Variants in RASGRF1 observed in about 807,000 individuals in gnomAD.
RASGRF1 encodes the protein Ras protein specific guanine nucleotide releasing factor 1.
In RASGRF1, 40 loss-of-function variants were observed where a neutral mutation model predicts 138.7. The observed-to-expected ratio is 0.29, with a 90% CI of 0.22 to 0.38. The LOEUF (loss-of-function observed/expected upper bound fraction) is 0.38, where lower values mean the gene tolerates loss of function less well. Ranked by LOEUF, RASGRF1 falls within the 10% of genes least tolerant of loss-of-function variation. RASGRF1 has a pLI of 1.00. For missense variants in RASGRF1, 1,108 were observed against 1,650.4 expected (o/e 0.67, Z 5.69); for synonymous variants, 614 against 663.2 (o/e 0.93, Z 1.14).
chr15:78,994,113 C>A (rs1421174210), intron 20 of RASGRF1, among the ~76,000 whole-genome samples: 3 of 152,228 alleles, frequency 2.0e-5, no homozygotes, highest in African/African-American at 7.2e-5. Flanking sequence ...AGGTGAGCCC[C>A]TGTTGGGAAA....
At chr15:78,966,766 A>C (rs899566349) in intron 26 of RASGRF1, among the ~76,000 whole-genome samples, 8 of 152,072 alleles carry the variant, frequency 5.3e-5, no homozygotes, top group African/African-American at 1.7e-4. Context: ...GAGCCCCCCA[A>C]ATCCAGTGCA....
chr15:79,038,400 C>A (rs78413393), intron 5 of RASGRF1, among the ~76,000 whole-genome samples: 25,973 of 152,086 alleles, frequency 0.17, 2,345 homozygotes, highest in Middle Eastern at 0.26. Context: ...GCCTCCATTT[C>A]TAAGGTTAAA....
rs776743785 is a variant in RASGRF1, at chr15:79,047,013, C to T, written c.625-14G>A. On this transcript the variant is annotated splice_polypyrimidine_tract_variant and intron_variant, in intron 4 of 26. Transcript: ENST00000558480. ...GAAGCTCTGCACCTGAGCAGCAAGA[C>T]CGGTGGGGAGAGGCTCCTGTCAGGG... 2 of 1,604,550 alleles carry T rather than the reference C, an allele frequency of 1.2e-6. No homozygotes were observed. Among genetic ancestry groups the T allele is most frequent in the Admixed American group, 1.7e-5 (1 of 59,938 alleles).
intron 2 of RASGRF1, among the ~76,000 whole-genome samples, chr15:79,058,931 T>C (rs1166782139): frequency 6.6e-6 from 1 of 152,222 alleles, no homozygotes; most frequent in East Asian, 1.9e-4. Flanking sequence ...AAGGAGTCTG[T>C]TTTTGTACCA....
chr15:79,072,302 G>T (rs1386412880), intron 1 of RASGRF1, among the ~76,000 whole-genome samples: 1 of 66,776 alleles, frequency 1.5e-5, no homozygotes, highest in Non-Finnish European at 2.9e-5. Context: ...TTGAGACGCA[G>T]TCTCACTCTG....
At chr15:79,072,977 T>A (rs2057782616) in intron 1 of RASGRF1, among the ~76,000 whole-genome samples, 1 of 152,174 alleles carries the variant, frequency 6.6e-6, no homozygotes, top group Non-Finnish European at 1.5e-5. Flanking sequence ...TGGGACCACA[T>A]AGGCTTGCCT....
intron 5 of RASGRF1, among the ~76,000 whole-genome samples, chr15:79,039,390 G>A (rs2057266344): frequency 6.6e-6 from 1 of 150,484 alleles, no homozygotes; most frequent in African/African-American, 2.4e-5. Context: ...TCTTGGATTA[G>A]TCTTAGGTTG....
In RASGRF1 at chr15:79,073,559, C is replaced by A. The variant is rs914038237; in HGVS notation, c.277-9033G>T. ...GAGGCCAAGCAGAGATAGCAGAGCA[C>A]CGAGGGTGGCACTGGCAGACACGGG... On this transcript the variant is annotated intron_variant, in intron 1 of 26. Transcript: ENST00000558480. The surrounding 1 kb of genome is among the most constrained non-coding windows in gnomAD (Gnocchi z 4.2). 6.6e-6 allele frequency among the ~76,000 whole-genome samples: 1 copy of A among 152,066 alleles called. No individual in the cohort carries two copies. Among genetic ancestry groups the A allele is most frequent in the African/African-American group, 2.4e-5 (1 of 41,394 alleles).
At position 78,962,161 on chromosome 15, in the gene RASGRF1, G is replaced by A. The variant is rs762247191; in HGVS notation, c.3757C>T (p.Pro1253Ser). ...GCTCAGCTTCAGGTGGGGAGTTTTG[G>A]TTCTATTCGGAGAGAAGACTCGTAG... Reference protein sequence around the residue: ...SLYESSLRIEPKLPT With the variant: ...SLYESSLRIESKLPT The change falls in exon 27 of 27, where the codon CCA (proline) becomes TCA (serine). Residue 1253 changes from proline (P) to serine (S), a missense_variant. By Grantham distance (74) the Pro-to-Ser change is moderately conservative (BLOSUM62 -1). Transcript: ENST00000558480. 6 of 1,580,174 alleles carry A rather than the reference G, an allele frequency of 3.8e-6. No homozygotes were observed. Among genetic ancestry groups the A allele is most frequent in the Non-Finnish European group, 5.2e-6 (6 of 1,156,324 alleles).
intron 10 of RASGRF1, among the ~76,000 whole-genome samples, chr15:79,024,485 G>A (rs941178778): frequency 6.6e-6 from 1 of 151,864 alleles, no homozygotes; most frequent in African/African-American, 2.4e-5. Flanking sequence ...TACTGATATG[G>A]TTTGGCTGTG....
chr15:79,072,692 T>C (rs142194729), intron 1 of RASGRF1, among the ~76,000 whole-genome samples: 1 of 152,222 alleles, frequency 6.6e-6, no homozygotes. Context: ...CTGGCTGACC[T>C]GAGTCACCTT....
chr15:78,997,293 T>C (rs2056414846), intron 19 of RASGRF1, among the ~76,000 whole-genome samples: 2 of 152,194 alleles, frequency 1.3e-5, no homozygotes, highest in African/African-American at 4.8e-5. Flanking sequence ...CACTGTTTAA[T>C]AGATCTCTGC....
intron 24 of RASGRF1, among the ~76,000 whole-genome samples, chr15:78,977,242 T>G (rs958581894): frequency 6.6e-6 from 1 of 152,140 alleles, no homozygotes; most frequent in Non-Finnish European, 1.5e-5. Context: ...GGATGGGCTA[T>G]TCTCTCTTAC....
intron 3 of RASGRF1, among the ~76,000 whole-genome samples, chr15:79,052,114 A>G (rs1264739521): frequency 1.3e-5 from 2 of 152,066 alleles, no homozygotes; most frequent in Non-Finnish European, 2.9e-5. Flanking sequence ...ACCTGGCTCC[A>G]TGCCTGGTGT....
chr15:79,017,386 C>T (rs761226173), intron 12 of RASGRF1, among the ~76,000 whole-genome samples: 5 of 152,106 alleles, frequency 3.3e-5, no homozygotes, highest in South Asian at 2.1e-4. Flanking sequence ...CTTTTCTGTG[C>T]GTATCAATGA....
intron 26 of RASGRF1, among the ~76,000 whole-genome samples, chr15:78,969,066 C>G (rs1325749141): frequency 1.3e-5 from 2 of 152,192 alleles, no homozygotes; most frequent in East Asian, 1.9e-4. Context: ...TCTCTCTCCC[C>G]CAAGAAACAG....
At chr15:78,967,402 G>T (rs1317757964) in intron 26 of RASGRF1, among the ~76,000 whole-genome samples, 1 of 152,100 alleles carries the variant, frequency 6.6e-6, no homozygotes, top group East Asian at 1.9e-4. Flanking sequence ...AAAAGAATTA[G>T]TTGGGTGTAA....
At chr15:79,087,055 G>A (rs2057990353) in intron 1 of RASGRF1, among the ~76,000 whole-genome samples, 1 of 152,204 alleles carries the variant, frequency 6.6e-6, no homozygotes, top group African/African-American at 2.4e-5. Context: ...TAGGATCCTA[G>A]GCTAGAGCTC....
rs1225027530 is a variant in RASGRF1 at position 79,075,487 on chromosome 15, CTG to C, written c.277-10963_277-10962del. ...ATGGCCCCTGCTACCCCAGGTCAGT[CTG>C]GAGCTGGATCTACTTCCCCTCTGGA... On this transcript the variant is annotated intron_variant, in intron 1 of 26. Transcript: ENST00000558480. 2.6e-5 allele frequency among the ~76,000 whole-genome samples: 4 copies of C among 152,330 alleles called. No homozygotes were observed. The East Asian group carries it at 7.7e-4, about 29-fold the overall frequency.
Sources: allele counts gnomAD v4.1 joint callset (sites outside exome capture counted in the v4.1 genomes callset), GRCh38; gene constraint gnomAD v4.1.1; non-coding constraint Gnocchi (gnomAD v3.1); transcripts MANE v1.5; gene names NCBI Gene and HGNC (gene_info 2026-07-23, HGNC 2026-07-21).